The following GRM7 variants were observed in gnomAD, a reference collection of about 807,000 sequenced individuals.
GRM7 encodes the protein glutamate metabotropic receptor 7.
A neutral mutation model predicts 84.5 loss-of-function variants in GRM7; 35 were observed. That is an observed-to-expected ratio of 0.41 (90% confidence interval 0.32 to 0.55). The LOEUF is 0.55. GRM7 is among the 20% of genes least tolerant of loss of function. GRM7 has a pLI of 0.19. For synonymous variants in GRM7, 487 were observed against 455.1 expected, an observed-to-expected ratio of 1.07 and a Z score of -0.89; for missense variants, 1,003 against 1,194.6, an observed-to-expected ratio of 0.84 and a Z score of 2.36.
At chr3:7,142,549 T>C (rs776506818) in intron 1 of GRM7, among the ~76,000 whole-genome samples, 7 of 152,110 alleles carry the variant, frequency 4.6e-5, no homozygotes, top group Non-Finnish European at 8.8e-5. Context: ...GGGAAACTGC[T>C]CTCATGATCC....
chr3:7,663,386 G>A (rs562502665), intron 8 of GRM7, among the ~76,000 whole-genome samples: 5 of 152,288 alleles, frequency 3.3e-5, no homozygotes, highest in South Asian at 2.1e-4. Flanking sequence ...GGGCATAAAC[G>A]TAAGCAAGCT....
At chr3:7,601,671 G>T (rs1696317993) in intron 8 of GRM7, among the ~76,000 whole-genome samples, 1 of 152,102 alleles carries the variant, frequency 6.6e-6, no homozygotes, top group Non-Finnish European at 1.5e-5. Flanking sequence ...TGTATAGGAA[G>T]TCAGGATTCA....
chr3:7,483,680 T>G (rs968041915), intron 7 of GRM7, among the ~76,000 whole-genome samples: 2 of 152,102 alleles, frequency 1.3e-5, no homozygotes, highest in African/African-American at 2.4e-5. Context: ...GGATGGAGGT[T>G]GAGCTATGGG....
intron 2 of GRM7, among the ~76,000 whole-genome samples, chr3:7,265,998 G>T (rs1698622477): frequency 6.6e-6 from 1 of 152,132 alleles, no homozygotes; most frequent in Non-Finnish European, 1.5e-5. Context: ...GGCACAGGCA[G>T]TGTCTTAATC....
intron 1 of GRM7, among the ~76,000 whole-genome samples, chr3:6,968,304 A>C (rs1459816752): frequency 6.6e-6 from 1 of 152,090 alleles, no homozygotes; most frequent in Non-Finnish European, 1.5e-5. Context: ...ATTTCTTCTT[A>C]TTATGAGAAC....
chr3:7,436,882 G>T (rs1285832199), intron 5 of GRM7, among the ~76,000 whole-genome samples: 2 of 151,972 alleles, frequency 1.3e-5, no homozygotes, highest in Non-Finnish European at 2.9e-5. Context: ...CAGTTTCTCT[G>T]TTGACTTTGG....
At chr3:7,647,061 G>A (rs774372745) in intron 8 of GRM7, among the ~76,000 whole-genome samples, 1 of 152,168 alleles carries the variant, frequency 6.6e-6, no homozygotes, top group Non-Finnish European at 1.5e-5. Context: ...CTGCTGGGCC[G>A]TAGTCCATGC....
chr3:7,436,469 CAT>C (rs1304109514), intron 5 of GRM7, among the ~76,000 whole-genome samples: 1 of 141,466 alleles, frequency 7.1e-6, no homozygotes, highest in Non-Finnish European at 1.5e-5. Context: ...CATAGAAAAA[CAT>C]GTCGTGGGCC....
chr3:7,173,431 T>A (rs944151040), intron 2 of GRM7, among the ~76,000 whole-genome samples: 1 of 152,128 alleles, frequency 6.6e-6, no homozygotes, highest in African/African-American at 2.4e-5. Flanking sequence ...AACAGTCTTA[T>A]AAAATGCATT....
intron 9 of GRM7, chr3:7,691,451 C>T (rs1281576964): frequency 3.4e-6 from 1 of 290,666 alleles, no homozygotes; most frequent in African/African-American, 2.2e-5. Context: ...GCATAAGCTT[C>T]ATCACTTAAT....
intron 4 of GRM7, among the ~76,000 whole-genome samples, chr3:7,350,916 A>G (rs376828219): frequency 6.6e-6 from 1 of 152,106 alleles, no homozygotes; most frequent in Non-Finnish European, 1.5e-5. Context: ...TGACCAAATG[A>G]TACAACCAGA....
intron 8 of GRM7, among the ~76,000 whole-genome samples, chr3:7,601,064 A>G (rs1696289851): frequency 6.6e-6 from 1 of 152,094 alleles, no homozygotes; most frequent in African/African-American, 2.4e-5. Flanking sequence ...ACAGATTCCC[A>G]TCACATTATG....
intron 1 of GRM7, among the ~76,000 whole-genome samples, chr3:6,955,717 C>G (rs1413867772): frequency 6.6e-6 from 1 of 151,642 alleles, no homozygotes. Context: ...TGGCACATGG[C>G]TGTAATCCCA....
intron 1 of GRM7, among the ~76,000 whole-genome samples, chr3:6,977,577 C>T (rs1432997137): frequency 1.3e-5 from 2 of 152,110 alleles, no homozygotes; most frequent in Non-Finnish European, 2.9e-5. Flanking sequence ...ATCCCCATAA[C>T]CGAAAGCAAA....
chr3:6,936,491 C>T (rs527807779), intron 1 of GRM7, among the ~76,000 whole-genome samples: 1 of 152,046 alleles, frequency 6.6e-6, no homozygotes, highest in Non-Finnish European at 1.5e-5. Context: ...TGTTATTCCT[C>T]ATATCTGCTA....
intron 5 of GRM7, among the ~76,000 whole-genome samples, chr3:7,442,247 C>T (rs911196162): frequency 2.0e-5 from 3 of 151,930 alleles, no homozygotes; most frequent in Non-Finnish European, 2.9e-5. Context: ...AATGACATTG[C>T]ATTCTTGATT....
chr3:7,425,237 G>A (rs1321674469), intron 5 of GRM7, among the ~76,000 whole-genome samples: 1 of 152,186 alleles, frequency 6.6e-6, no homozygotes, highest in Admixed American at 6.5e-5. Context: ...TAGTGGAGAA[G>A]TGAGCTGACC....
intron 7 of GRM7, among the ~76,000 whole-genome samples, chr3:7,553,551 T>A (rs891443901): frequency 1.3e-5 from 2 of 152,126 alleles, no homozygotes; most frequent in African/African-American, 4.8e-5. Context: ...TGACTCACAG[T>A]TCAGCATGGC....
intron 2 of GRM7, among the ~76,000 whole-genome samples, chr3:7,238,387 C>G (rs1263877014): frequency 1.3e-5 from 2 of 152,154 alleles, no homozygotes; most frequent in Non-Finnish European, 2.9e-5. Context: ...CCGAATCTAC[C>G]TTTTCAGAGA....
Sources: gnomAD v4.1 joint callset for allele counts (sites outside exome capture counted in the v4.1 genomes callset) on GRCh38, gnomAD v4.1.1 for gene constraint, MANE v1.5 for transcripts, NCBI Gene and HGNC (gene_info 2026-07-23, HGNC 2026-07-21) for gene names.